TOP2B: variants seen among roughly 807,000 people sequenced by gnomAD.
TOP2B encodes DNA topoisomerase 2-beta.
In TOP2B, 51 loss-of-function variants were observed where a neutral mutation model predicts 193.5. The ratio of observed to expected loss-of-function variants is 0.26; its 90% confidence interval spans 0.21 to 0.33. The LOEUF is 0.33. Ranked by LOEUF, TOP2B falls within the 10% of genes least tolerant of loss-of-function variation. TOP2B has a pLI of 1.00. For missense variants in TOP2B, 1,378 were observed against 1,909.3 expected (o/e 0.72, Z 5.19); for synonymous variants, 634 against 635.7 (o/e 1.00, Z 0.04).
At chr3:25,601,389 G>A (rs561837990) in intron 33 of TOP2B, among the ~76,000 whole-genome samples, 164 bp from the exon 34 acceptor site, 50 of 152,194 alleles carry the variant, frequency 3.3e-4, no homozygotes, top group East Asian at 7.7e-4. Flanking sequence ...AGGCCAAGGC[G>A]GGGTGGATCA....
At chr3:25,610,981 C>T (rs1210453637) in intron 28 of TOP2B, among the ~76,000 whole-genome samples, 1 of 152,182 alleles carries the variant, frequency 6.6e-6, no homozygotes, top group Non-Finnish European at 1.5e-5. Flanking sequence ...TGGCTTATAT[C>T]ATTGATGGCT....
intron 4 of TOP2B, among the ~76,000 whole-genome samples, chr3:25,639,053 C>T (rs564776171): frequency 3.9e-5 from 6 of 151,910 alleles, no homozygotes; most frequent in African/African-American, 7.2e-5. Context: ...AAAATACTTG[C>T]GAGTAGTTTT....
In TOP2B at chr3:25,637,202, G is replaced by T; in HGVS notation, c.639+13C>A. ...TTATTTTAAAAAAAGAAATAGATGT[G>T]TTTCTAGCATACCTGCTTAAAACTG... is the stretch of plus-strand genomic sequence containing the variant. On this transcript the variant is annotated intron_variant, in intron 6 of 35. Coordinates refer to ENST00000264331, the MANE Select transcript of TOP2B (RefSeq NM_001330700.2). The T allele has an allele frequency of 6.5e-7, 1 of 1,529,200 alleles. No individual in the cohort carries two copies. The highest frequency in any genetic ancestry group is 8.9e-7 in the Non-Finnish European group (1 of 1,127,858). The allele number at this position is 1,529,200 out of a possible 1,614,324, so 94.7% of individuals were successfully genotyped here. A position where few individuals can be genotyped will look rare whatever the true frequency, so the allele number is the denominator to read the frequency against.
chr3:25,618,880 T>C, intron 23 of TOP2B, 31 bp from the exon 24 acceptor site: 1 of 1,488,228 alleles, frequency 6.7e-7, no homozygotes, highest in Non-Finnish European at 9.2e-7. Flanking sequence ...TTGCAGATCA[T>C]ATAGATCTGT....
At position 25,627,265 on chromosome 3, in the gene TOP2B, C is replaced by T; in HGVS notation, c.1938G>A (p.Lys646=). ...GCCTTTCCATATCAGCAAAATATTCCTTTGCTTCTTTAGCTGTACTAGTAC... is the reference window on the plus strand; with the variant it reads ...GCCTTTCCATATCAGCAAAATATTCTTTTGCTTCTTTAGCTGTACTAGTAC... ...GLGTSTAKEA[K]EYFADMERHR... is the part of the protein sequence containing the mutation. The change falls in exon 16 of 36, where the codon AAG becomes AAA. Residue 646 remains lysine, a synonymous_variant. Transcript: ENST00000264331. The T allele has an allele frequency of 6.2e-7, 1 of 1,608,724 alleles. No homozygotes were observed. Among genetic ancestry groups the T allele is most frequent in the Admixed American group, 1.7e-5 (1 of 58,594 alleles).
intron 4 of TOP2B, among the ~76,000 whole-genome samples, chr3:25,638,515 G>A (rs568848908): frequency 1.2e-4 from 18 of 151,618 alleles, no homozygotes; most frequent in African/African-American, 3.9e-4. Flanking sequence ...TCCCTGAGTC[G>A]TAACTAATAG....
At chr3:25,615,164 C>A (rs769873610) in intron 27 of TOP2B, 41 bp downstream of exon 27, 1 of 1,535,226 alleles carries the variant, frequency 6.5e-7, no homozygotes, top group Non-Finnish European at 8.9e-7. Context: ...TGTTCATAAA[C>A]ATGACTTTTC....
intron 1 of TOP2B, 23 bp downstream of exon 1, chr3:25,664,206 C>G (rs1006083505): frequency 3.9e-6 from 6 of 1,539,068 alleles, no homozygotes; most frequent in South Asian, 2.4e-5. Flanking sequence ...TGCAGCCGCC[C>G]GTCCCGGGGA....
At chr3:25,626,361 A>AG (rs1702800822) in intron 18 of TOP2B, among the ~76,000 whole-genome samples, 199 bp downstream of exon 18, 1 of 152,170 alleles carries the variant, frequency 6.6e-6, no homozygotes, top group African/African-American at 2.4e-5. Flanking sequence ...TTTCAAATTA[A>AG]GGAATATTAA....
chr3:25,643,851 TC>T, intron 2 of TOP2B, 67 bp from the exon 3 acceptor site: 1 of 1,167,300 alleles, frequency 8.6e-7, no homozygotes, highest in Non-Finnish European at 1.3e-6. Context: ...CATAGTATAA[TC>T]CACATCCTGT....
At chr3:25,627,371 G>A in intron 15 of TOP2B, 75 bp from the exon 16 acceptor site, 1 of 949,132 alleles carries the variant, frequency 1.1e-6, no homozygotes. Flanking sequence ...AAAGCTGGTG[G>A]AAAAGTTGTA....
chr3:25,661,212 T>G (rs1703900081), intron 1 of TOP2B, among the ~76,000 whole-genome samples: 1 of 152,180 alleles, frequency 6.6e-6, no homozygotes, highest in African/African-American at 2.4e-5. Context: ...TTGGTCAGGC[T>G]GGTCATGAAC....
chr3:25,632,965 G>GT (rs1276018400), intron 8 of TOP2B, among the ~76,000 whole-genome samples, 171 bp from the exon 9 acceptor site: 1 of 151,982 alleles, frequency 6.6e-6, no homozygotes, highest in Non-Finnish European at 1.5e-5. Context: ...ACCAACCGCT[G>GT]TGTTTTTTTT....
At position 25,605,004 on chromosome 3, in the gene TOP2B, C is replaced by T. The variant is rs548128250; in HGVS notation, c.4379-134G>A. The stretch of plus-strand genomic sequence containing the variant: ...GTTACTATTTTGTGACCAAATAATC[C>T]ACAATATACAAACAGCTAAAAATAA... On this transcript the variant is annotated intron_variant, in intron 32 of 35. Coordinates refer to ENST00000264331, the MANE Select transcript of TOP2B (RefSeq NM_001330700.2). The T allele has an allele frequency of 3.7e-5, 23 of 627,822 alleles. No homozygotes were observed. In the African/African-American group the frequency reaches 3.7e-4, roughly 10 times the overall value. 38.9% of individuals were successfully genotyped at this position (627,822 alleles called of 1,614,324 possible). A position where few individuals can be genotyped will look rare whatever the true frequency, so the allele number is the denominator to read the frequency against.
At position 25,645,422 on chromosome 3, in the gene TOP2B, C is replaced by A. The variant is rs1470246857; in HGVS notation, c.118G>T (p.Ala40Ser). 6.2e-7 allele frequency: 1 copy of A among 1,613,600 alleles called. No individual in the cohort carries two copies. The highest frequency in any genetic ancestry group is 8.5e-7 in the Non-Finnish European group (1 of 1,179,754). Residue 40 changes from alanine (A) to serine (S), a missense_variant, in exon 2 of 36, where the codon GCC (alanine) becomes TCC (serine). Transcript: ENST00000264331. ...NAAKKEESET[A>S]NKNDSSKKLS... ...TTCTTTGAAGAATCATTTTTGTTGG[C>A]AGTTTCTGACTCTTCTTTTTTTGCA...
chr3:25,658,807 C>G (rs1303503945), intron 1 of TOP2B, among the ~76,000 whole-genome samples: 4 of 152,180 alleles, frequency 2.6e-5, no homozygotes, highest in African/African-American at 9.7e-5. Context: ...GTAAAACTTC[C>G]TATTTTTCAG....
chr3:25,598,594 T>A, intron 35 of TOP2B, 117 bp from the exon 36 acceptor site: 1 of 762,334 alleles, frequency 1.3e-6, no homozygotes, highest in Non-Finnish European at 1.9e-6. Context: ...ATGGTGCTTT[T>A]AAAATTAGAA....
intron 28 of TOP2B, among the ~76,000 whole-genome samples, chr3:25,610,620 A>G (rs12631825): frequency 0.36 from 54,658 of 152,084 alleles, 10,442 homozygotes; most frequent in African/African-American, 0.49. Flanking sequence ...TAGCCAGGAG[A>G]AGAAACACAC....
rs757022470 is a variant in TOP2B at position 25,618,368 on chromosome 3, G to C, written c.3351+50C>G. 8.6e-6 allele frequency: 12 copies of C among 1,390,090 alleles called. No homozygotes were observed. The East Asian group carries it at 2.8e-4, about 32-fold the overall frequency. 86.1% of individuals were successfully genotyped at this position (1,390,090 alleles called of 1,614,324 possible). A position where few individuals can be genotyped will look rare whatever the true frequency, so the allele number is the denominator to read the frequency against. ...AGGGGTTGAATTTTTGTTTGTTTTG[G>C]AAGTTGCTTTTAAAAGCTTCTCTGA... On this transcript the variant is annotated intron_variant, in intron 25 of 35. Coordinates refer to ENST00000264331, the MANE Select transcript of TOP2B (RefSeq NM_001330700.2).
Sources: allele counts gnomAD v4.1 joint callset (sites outside exome capture counted in the v4.1 genomes callset), GRCh38; gene constraint gnomAD v4.1.1; transcripts MANE v1.5; gene names NCBI Gene and HGNC (gene_info 2026-07-23, HGNC 2026-07-21).